The following LOC400499 variants were observed in gnomAD, a reference collection of about 807,000 sequenced individuals.
the LOC400499 span, among the ~76,000 whole-genome samples, chr16:11,485,950 G>A: frequency 6.6e-6 from 1 of 152,206 alleles, no homozygotes; most frequent in African/African-American, 2.4e-5. Context: ...TGGACAGATG[G>A]GAGGGTGGGT....
At chr16:11,383,564 G>T in the LOC400499 span, 2 of 1,212,834 alleles carry the variant, frequency 1.6e-6, no homozygotes, top group Non-Finnish European at 2.1e-6. Flanking sequence ...CCTGGTGAGA[G>T]AAAGGGACTG....
chr16:11,497,344 T>A, the LOC400499 span, among the ~76,000 whole-genome samples: 6 of 152,164 alleles, frequency 3.9e-5, no homozygotes, highest in African/African-American at 1.4e-4. Flanking sequence ...TTCCCTATAT[T>A]TGAGCAAAGA....
At chr16:11,419,768 C>G in the LOC400499 span, among the ~76,000 whole-genome samples, 1 of 152,058 alleles carries the variant, frequency 6.6e-6, no homozygotes, top group African/African-American at 2.4e-5. Context: ...ACAACCCCAT[C>G]AAAAAGTGGG....
chr16:11,467,455 A>T, the LOC400499 span, among the ~76,000 whole-genome samples: 3 of 132,820 alleles, frequency 2.3e-5, no homozygotes, highest in Admixed American at 8.6e-5. Flanking sequence ...ACAAAAATAT[A>T]AAAAAAAGAA....
chr16:11,397,777 G>GGACGGAT, the LOC400499 span, among the ~76,000 whole-genome samples: 1 of 96,544 alleles, frequency 1.0e-5, no homozygotes, highest in African/African-American at 3.8e-5. Flanking sequence ...GAGGGATGGA[G>GGACGGAT]GGAGGGAGGG....
the LOC400499 span, among the ~76,000 whole-genome samples, chr16:11,523,847 A>C: frequency 6.8e-6 from 1 of 147,376 alleles, no homozygotes; most frequent in African/African-American, 2.5e-5. Flanking sequence ...ACCCATCCCC[A>C]CTCCCATCCA....
the LOC400499 span, among the ~76,000 whole-genome samples, chr16:11,499,057 A>C: frequency 2.7e-5 from 2 of 74,362 alleles, no homozygotes; most frequent in Non-Finnish European, 5.3e-5. Flanking sequence ...TGAAAGGAGG[A>C]AGGGGGGGAG....
At chr16:11,412,770 C>T in the LOC400499 span, 12 of 397,910 alleles carry the variant, frequency 3.0e-5, no homozygotes, top group African/African-American at 6.2e-5. Flanking sequence ...CTGTGTCCAG[C>T]GATGGTGCAC....
At chr16:11,446,651 C>A in the LOC400499 span, 1 of 1,535,828 alleles carries the variant, frequency 6.5e-7, no homozygotes, top group South Asian at 1.2e-5. Context: ...GAGGGACAAC[C>A]ACATACATGT....
chr16:11,458,147 C>T, the LOC400499 span, among the ~76,000 whole-genome samples: 4 of 152,230 alleles, frequency 2.6e-5, no homozygotes, highest in African/African-American at 7.2e-5. Context: ...GAGTTTAAGA[C>T]CAGCCTGGCC....
the LOC400499 span, among the ~76,000 whole-genome samples, chr16:11,406,911 G>A: frequency 6.6e-6 from 1 of 152,158 alleles, no homozygotes; most frequent in Admixed American, 6.5e-5. Flanking sequence ...TGTGATTTCG[G>A]GGAGTCAATC....
At chr16:11,376,077 A>C in the LOC400499 span, among the ~76,000 whole-genome samples, 4 of 152,260 alleles carry the variant, frequency 2.6e-5, no homozygotes, top group East Asian at 7.7e-4. Flanking sequence ...TTTTGTTGTT[A>C]CATTGTGAGA....
At chr16:11,396,027 A>T in the LOC400499 span, among the ~76,000 whole-genome samples, 18 of 152,260 alleles carry the variant, frequency 1.2e-4, no homozygotes, top group African/African-American at 3.9e-4. Context: ...GAGGGGGAGG[A>T]GATGGTACCA....
chr16:11,448,679 A>G, the LOC400499 span, among the ~76,000 whole-genome samples: 62 of 152,274 alleles, frequency 4.1e-4, no homozygotes, highest in African/African-American at 1.3e-3. Context: ...GTGAGCTATG[A>G]CAGCATCACT....
At chr16:11,505,544 C>A in the LOC400499 span, among the ~76,000 whole-genome samples, 2 of 147,554 alleles carry the variant, frequency 1.4e-5, no homozygotes, top group African/African-American at 2.5e-5. Flanking sequence ...GCCTTAACCT[C>A]CCAGGCTCAA....
chr16:11,487,988 G>A, the LOC400499 span, among the ~76,000 whole-genome samples: 23 of 151,916 alleles, frequency 1.5e-4, no homozygotes, highest in Non-Finnish European at 3.1e-4. Context: ...ATGGTGGTGC[G>A]CGCCTGTAGT....
the LOC400499 span, among the ~76,000 whole-genome samples, chr16:11,444,423 G>A: frequency 6.6e-6 from 1 of 152,076 alleles, no homozygotes; most frequent in Admixed American, 6.6e-5. Flanking sequence ...TCTAAGTCAG[G>A]GGTCAGCAAC....
the LOC400499 span, among the ~76,000 whole-genome samples, chr16:11,383,121 A>G: frequency 6.0e-5 from 9 of 150,962 alleles, no homozygotes; most frequent in African/African-American, 2.0e-4. Context: ...GCTAGAGTGC[A>G]GTGGTGCAGT....
At chr16:11,380,518 C>T in the LOC400499 span, among the ~76,000 whole-genome samples, 1 of 151,918 alleles carries the variant, frequency 6.6e-6, no homozygotes, top group Admixed American at 6.6e-5. Context: ...AGAGCAGAGA[C>T]CCTGTCTCAA....
Sources: allele counts gnomAD v4.1 joint callset (sites outside exome capture counted in the v4.1 genomes callset), GRCh38; gene constraint gnomAD v4.1.1; transcripts MANE v1.5.